The following TMEM63C variants were observed in gnomAD, a reference collection of about 807,000 sequenced individuals.
TMEM63C encodes the protein transmembrane protein 63C.
A neutral mutation model predicts 99.2 loss-of-function variants in TMEM63C; 32 were observed. That is an observed-to-expected ratio of 0.32 (90% CI 0.24 to 0.43). The LOEUF is 0.43. Ranked by LOEUF, TMEM63C falls within the 20% of genes least tolerant of loss-of-function variation. TMEM63C has a pLI of 1.00. For missense variants in TMEM63C, 826 were observed against 1,053.0 expected, an observed-to-expected ratio of 0.78 and a Z score of 2.98; for synonymous variants, 376 against 397.9, an observed-to-expected ratio of 0.94 and a Z score of 0.66.
At chr14:77,210,898 G>A (rs1025024535) in intron 1 of TMEM63C, among the ~76,000 whole-genome samples, 12 of 152,154 alleles carry the variant, frequency 7.9e-5, no homozygotes, top group Admixed American at 2.6e-4. Flanking sequence ...AGAAGGTGGG[G>A]GTGGCTCCCC....
At chr14:77,233,399 C>A in intron 7 of TMEM63C, 53 bp from the exon 8 acceptor site, 10 of 1,590,554 alleles carry the variant, frequency 6.3e-6, no homozygotes, top group Non-Finnish European at 8.6e-6. Context: ...AATTCTGGCG[C>A]CCCCAGCAAC....
chr14:77,221,790 A>G (rs969920266), intron 5 of TMEM63C, among the ~76,000 whole-genome samples: 2 of 150,092 alleles, frequency 1.3e-5, no homozygotes, highest in Non-Finnish European at 3.0e-5. Context: ...CGCTAAATCC[A>G]ATGGACTTTT....
intron 1 of TMEM63C, among the ~76,000 whole-genome samples, chr14:77,184,131 C>G (rs116809445): frequency 0.02 from 2,995 of 152,180 alleles, 77 homozygotes; most frequent in African/African-American, 0.068. Context: ...CCTGGAGTCT[C>G]TGGTCTAGGT....
chr14:77,219,379 G>A (rs902528345), intron 3 of TMEM63C, 119 bp from the exon 4 acceptor site: 13 of 985,290 alleles, frequency 1.3e-5, no homozygotes, highest in Non-Finnish European at 2.0e-5. Context: ...TCACCTTCTA[G>A]TGGAGGAGCT....
At chr14:77,185,008 G>A (rs2020996) in intron 1 of TMEM63C, among the ~76,000 whole-genome samples, 92,391 of 152,090 alleles carry the variant, frequency 0.61, 29,739 homozygotes, top group East Asian at 0.79. Flanking sequence ...CCCTGGGGCT[G>A]GTGCTGAGAC....
chr14:77,243,194 T>A, intron 15 of TMEM63C, 138 bp downstream of exon 15: 1 of 1,059,806 alleles, frequency 9.4e-7, no homozygotes, highest in Non-Finnish European at 1.3e-6. Context: ...GTGGCCATGG[T>A]GCAAATGGCG....
At chr14:77,194,884 G>T (rs1347215810) in intron 1 of TMEM63C, among the ~76,000 whole-genome samples, 1 of 151,880 alleles carries the variant, frequency 6.6e-6, no homozygotes, top group Non-Finnish European at 1.5e-5. Flanking sequence ...GCCTAGCGTG[G>T]ATTTCGTTTT....
chr14:77,195,234 C>T (rs1472226112), intron 1 of TMEM63C, among the ~76,000 whole-genome samples: 5 of 152,066 alleles, frequency 3.3e-5, no homozygotes, highest in South Asian at 2.1e-4. Context: ...CAGATGTGGG[C>T]GGGCCCAAGA....
At position 77,207,398 on chromosome 14, in the gene TMEM63C, G is replaced by A. The variant is rs151001479; in HGVS notation, c.-76-6048G>A. 1.9e-3 allele frequency among the ~76,000 whole-genome samples: 291 copies of A among 152,194 alleles called. 1 individual carries two copies. The highest frequency in any genetic ancestry group is 6.7e-3 in the African/African-American group (280 of 41,520). On this transcript the variant is annotated intron_variant, in intron 1 of 23. Coordinates refer to ENST00000298351, the MANE Select transcript of TMEM63C (RefSeq NM_020431.4). ...TTCATAAGATGGGATAAAAATAGAA[G>A]CTGCCTGGTCCTTCTCTTTAGCTGA...
At chr14:77,229,951 G>C (rs1226915478) in intron 6 of TMEM63C, among the ~76,000 whole-genome samples, 5 of 152,012 alleles carry the variant, frequency 3.3e-5, no homozygotes, top group African/African-American at 1.2e-4. Context: ...TGTAATCCAA[G>C]CACTTTGGGA....
intron 23 of TMEM63C, among the ~76,000 whole-genome samples, chr14:77,255,729 T>G (rs1889449736): frequency 6.6e-6 from 1 of 152,218 alleles, no homozygotes; most frequent in East Asian, 1.9e-4. Context: ...ACCTTCTAAT[T>G]AGGGGAATGA....
chr14:77,184,799 C>G (rs559924066), intron 1 of TMEM63C, among the ~76,000 whole-genome samples: 7 of 152,140 alleles, frequency 4.6e-5, no homozygotes, highest in African/African-American at 1.7e-4. Flanking sequence ...GCAACTCCTG[C>G]AAGGTAGGGT....
rs370370624 is a variant in TMEM63C at position 77,234,925 on chromosome 14, C to T, written c.542+1425C>T. 2.9e-4 allele frequency among the ~76,000 whole-genome samples: 44 copies of T among 152,304 alleles called. 1 individual carries two copies. In the South Asian group the frequency reaches 8.7e-3, roughly 30 times the overall value. ...TGAGCCACAGCAGTTGGCAGGATGG[C>T]GTAGCAGTGATGAATCTAAGTACTT... On this transcript the variant is annotated intron_variant, in intron 8 of 23. Coordinates refer to ENST00000298351, the MANE Select transcript of TMEM63C (RefSeq NM_020431.4).
intron 2 of TMEM63C, among the ~76,000 whole-genome samples, chr14:77,214,102 C>A (rs1487736622): frequency 2.6e-5 from 4 of 152,114 alleles, no homozygotes; most frequent in Non-Finnish European, 5.9e-5. Flanking sequence ...CAGCCCTCCC[C>A]AACTCCTGAA....
intron 9 of TMEM63C, among the ~76,000 whole-genome samples, chr14:77,237,208 C>G (rs1355981988): frequency 1.3e-5 from 2 of 152,110 alleles, no homozygotes. Flanking sequence ...CCCAGTGGAC[C>G]AGCGGGGGCC....
chr14:77,188,104 T>C (rs1194483366), intron 1 of TMEM63C, among the ~76,000 whole-genome samples: 2 of 152,146 alleles, frequency 1.3e-5, no homozygotes, highest in African/African-American at 2.4e-5. Context: ...CCAGTCCTGG[T>C]CCTTATCCCT....
At chr14:77,236,858 C>T (rs987614560) in intron 9 of TMEM63C, 126 bp downstream of exon 9, 21 of 681,426 alleles carry the variant, frequency 3.1e-5, no homozygotes, top group Middle Eastern at 3.8e-4. Context: ...TGGGAGGGGG[C>T]GGTTTCACCT....
intron 1 of TMEM63C, among the ~76,000 whole-genome samples, chr14:77,211,796 G>A (rs1888501379): frequency 6.6e-6 from 1 of 152,144 alleles, no homozygotes; most frequent in Admixed American, 6.5e-5. Context: ...AGGAGAAATG[G>A]GACAGGAAGA....
chr14:77,238,314 C>A (rs1035963395), intron 9 of TMEM63C, among the ~76,000 whole-genome samples: 1 of 152,192 alleles, frequency 6.6e-6, no homozygotes. Context: ...ACTGTGGGGT[C>A]GCTCTGGCAG....
Sources: gnomAD v4.1 joint callset for allele counts (sites outside exome capture counted in the v4.1 genomes callset) on GRCh38, gnomAD v4.1.1 for gene constraint, MANE v1.5 for transcripts, NCBI Gene and HGNC (gene_info 2026-07-23, HGNC 2026-07-21) for gene names.